The following SRRM4 variants were observed in gnomAD, a reference collection of about 807,000 sequenced individuals.
The protein encoded by SRRM4 is serine/arginine repetitive matrix 4, also known as serine/arginine repetitive matrix protein 4.
A neutral mutation model predicts 68.9 loss-of-function variants in SRRM4; 33 were observed. The observed-to-expected ratio is 0.48, with a 90% CI of 0.36 to 0.64. The LOEUF is 0.64. Among genes scored for constraint, SRRM4 ranks in the 30% least tolerant of loss-of-function variants. SRRM4 has a pLI of 0.00. For missense variants in SRRM4, 817 were observed against 827.1 expected, an observed-to-expected ratio of 0.99 and a Z score of 0.15; for synonymous variants, 318 against 318.8, an observed-to-expected ratio of 1.00 and a Z score of 0.03.
chr12:119,112,735 A>T (rs1057084242), intron 2 of SRRM4, among the ~76,000 whole-genome samples: 1 of 152,224 alleles, frequency 6.6e-6, no homozygotes, highest in Non-Finnish European at 1.5e-5. Context: ...TCTCACTTAT[A>T]AGTGGGAGCT....
At chr12:119,142,335 C>T (rs569163856) in intron 8 of SRRM4, among the ~76,000 whole-genome samples, 38 of 152,168 alleles carry the variant, frequency 2.5e-4, no homozygotes, top group Non-Finnish European at 5.0e-4. Context: ...AGCATAATGC[C>T]TTGTAGATTT....
intron 1 of SRRM4, among the ~76,000 whole-genome samples, chr12:119,096,674 G>C (rs4767777): frequency 0.079 from 12,020 of 152,276 alleles, 530 homozygotes; most frequent in African/African-American, 0.1. Flanking sequence ...TCTCCACTCT[G>C]TACAGGGCTG....
chr12:119,117,696 G>A (rs541110692), intron 4 of SRRM4, among the ~76,000 whole-genome samples: 5 of 152,240 alleles, frequency 3.3e-5, no homozygotes, highest in African/African-American at 9.6e-5. Flanking sequence ...GGCAGATCAC[G>A]AGGTCAGGAG....
At chr12:118,992,652 T>C (rs1206963850) in intron 1 of SRRM4, among the ~76,000 whole-genome samples, 3 of 152,178 alleles carry the variant, frequency 2.0e-5, no homozygotes, top group African/African-American at 7.2e-5. Flanking sequence ...CCATCATCAT[T>C]ATAGCACCTT....
At chr12:119,079,842 C>T (rs936078212) in intron 1 of SRRM4, among the ~76,000 whole-genome samples, 7 of 151,800 alleles carry the variant, frequency 4.6e-5, no homozygotes, top group African/African-American at 1.7e-4. Flanking sequence ...CATTAGAAGC[C>T]TCTCATTTCA....
chr12:118,983,010 G>A (rs1225996538), intron 1 of SRRM4, among the ~76,000 whole-genome samples: 1 of 152,114 alleles, frequency 6.6e-6, no homozygotes, highest in African/African-American at 2.4e-5. Context: ...TTTAGTAGGA[G>A]AAAAGAAAGA....
intron 1 of SRRM4, among the ~76,000 whole-genome samples, chr12:119,003,618 C>A (rs1405832986): frequency 6.6e-6 from 1 of 151,948 alleles, no homozygotes; most frequent in East Asian, 2.0e-4. Context: ...AGATACCACA[C>A]CCAGATCAGC....
At chr12:119,107,644 T>A (rs11614415) in intron 2 of SRRM4, among the ~76,000 whole-genome samples, 4,222 of 152,310 alleles carry the variant, frequency 0.028, 139 homozygotes, top group East Asian at 0.096. Context: ...AGTTTGTATT[T>A]CTGTGGGATC....
chr12:119,086,441 C>G (rs1305323837), intron 1 of SRRM4, among the ~76,000 whole-genome samples: 2 of 152,186 alleles, frequency 1.3e-5, no homozygotes, highest in African/African-American at 4.8e-5. Flanking sequence ...TCTGTCTTCA[C>G]CCCACCAGCC....
At chr12:119,043,775 TACACACACACACACACACACACACAC>T (rs58053550) in intron 1 of SRRM4, among the ~76,000 whole-genome samples, 1 of 141,664 alleles carries the variant, frequency 7.1e-6, no homozygotes, top group Non-Finnish European at 1.5e-5. Context: ...CATACACGCA[TACACACACACACACACACACACACAC>T]ACACACAAGT....
chr12:118,996,552 T>C (rs1953350875), intron 1 of SRRM4, among the ~76,000 whole-genome samples: 1 of 152,230 alleles, frequency 6.6e-6, no homozygotes, highest in East Asian at 1.9e-4. Flanking sequence ...GTAAAGTGAC[T>C]TGCCCAAGGT....
intron 1 of SRRM4, among the ~76,000 whole-genome samples, chr12:119,073,381 G>A (rs1296050074): frequency 6.7e-6 from 1 of 149,078 alleles, no homozygotes; most frequent in Non-Finnish European, 1.5e-5. Flanking sequence ...GGAGTGCAGT[G>A]CAGTGGCAAG....
intron 1 of SRRM4, among the ~76,000 whole-genome samples, chr12:119,086,655 G>T (rs573444624): frequency 1.3e-5 from 2 of 152,322 alleles, no homozygotes; most frequent in East Asian, 3.9e-4. Context: ...ATGGGGAAGA[G>T]GGAGTGGGCT....
chr12:119,025,436 T>TTTTTG (rs1555214476), intron 1 of SRRM4, among the ~76,000 whole-genome samples: 31 of 151,064 alleles, frequency 2.1e-4, no homozygotes, highest in African/African-American at 6.8e-4. Flanking sequence ...GAGTTTTTTT[T>TTTTTG]TTTGTTTGTT....
At chr12:119,043,746 A>G (rs1478829048) in intron 1 of SRRM4, among the ~76,000 whole-genome samples, 1 of 148,478 alleles carries the variant, frequency 6.7e-6, no homozygotes, top group Non-Finnish European at 1.5e-5. Context: ...AGTGAGTTAC[A>G]AACACATACA....
intron 4 of SRRM4, among the ~76,000 whole-genome samples, chr12:119,119,693 C>G (rs1240103121): frequency 6.6e-6 from 1 of 151,962 alleles, no homozygotes; most frequent in Non-Finnish European, 1.5e-5. Flanking sequence ...AAGTACAGAA[C>G]CTGGCACACA....
At chr12:119,012,328 G>A (rs1454695760) in intron 1 of SRRM4, among the ~76,000 whole-genome samples, 1 of 152,144 alleles carries the variant, frequency 6.6e-6, no homozygotes, top group Non-Finnish European at 1.5e-5. Flanking sequence ...ATCTGAACTG[G>A]ACTCACCTGG....
intron 1 of SRRM4, among the ~76,000 whole-genome samples, chr12:119,064,353 G>T (rs1442033929): frequency 6.6e-6 from 1 of 152,130 alleles, no homozygotes; most frequent in African/African-American, 2.4e-5. Flanking sequence ...TTCAAACAAA[G>T]GAATGAAGTT....
chr12:119,088,113 G>T (rs1953990648), intron 1 of SRRM4, among the ~76,000 whole-genome samples: 1 of 152,150 alleles, frequency 6.6e-6, no homozygotes, highest in Non-Finnish European at 1.5e-5. Context: ...TTGCTGTGTT[G>T]GGAGATGACA....
Sources: gnomAD v4.1 joint callset for allele counts (sites outside exome capture counted in the v4.1 genomes callset) on GRCh38, gnomAD v4.1.1 for gene constraint, MANE v1.5 for transcripts, NCBI Gene and HGNC (gene_info 2026-07-23, HGNC 2026-07-21) for gene names.